STAT4: variants seen among roughly 807,000 people sequenced by gnomAD.
STAT4 encodes the protein signal transducer and activator of transcription 4.
Under a neutral mutation model 110.5 loss-of-function variants are expected in STAT4, and 42 were observed. That is an observed-to-expected ratio of 0.38 (90% CI 0.30 to 0.49). The LOEUF (loss-of-function observed/expected upper bound fraction) is 0.49, where lower values mean the gene tolerates loss of function less well. STAT4 is among the 20% of genes least tolerant of loss of function. The pLI, the probability that STAT4 is intolerant of heterozygous loss-of-function variation, is 0.95. For missense variants in STAT4, 632 were observed against 887.9 expected, an observed-to-expected ratio of 0.71 and a Z score of 3.66; for synonymous variants, 284 against 302.2, an observed-to-expected ratio of 0.94 and a Z score of 0.63.
chr2:191,076,329 A>G lies in STAT4; in HGVS notation c.274-4T>C. On this transcript the variant is annotated splice_region_variant and splice_polypyrimidine_tract_variant and intron_variant, in intron 3 of 23. Coordinates refer to ENST00000392320, the MANE Select transcript of STAT4 (RefSeq NM_003151.4). ...TTGGATTTCCATGAAATTTTCCCTG[A>G]AAAAAAAAACAATGAGCAAAAATAA... 2.6e-6 allele frequency: 4 copies of G among 1,517,418 alleles called. No homozygotes were observed. The highest frequency in any genetic ancestry group is 1.4e-5 in the African/African-American group (1 of 70,520). The allele number at this position is 1,517,418 out of a possible 1,614,324, so 94.0% of individuals were successfully genotyped here.
At position 191,082,571 on chromosome 2, in the gene STAT4, T is replaced by G. The variant is rs982663095; in HGVS notation, c.274-6246A>C. On this transcript the variant is annotated intron_variant, in intron 3 of 23. Transcript: ENST00000392320. This position sits in a 1 kb window ranked among gnomAD's most constrained non-coding sequence, Gnocchi z 4.7. ...GCATTCTATTTCAGAGATTTAAAGA[T>G]GTTAAAATGTGGAGAACAGTGTCAT... Among the ~76,000 whole-genome samples the G allele has an allele frequency of 3.8e-4, 58 of 152,234 alleles. No homozygotes were observed. Among genetic ancestry groups the G allele is most frequent in the Non-Finnish European group, 4.4e-5 (3 of 68,044 alleles).
In STAT4 at chr2:191,089,998, C is replaced by A. The variant is rs117889908; in HGVS notation, c.274-13673G>T. Among the ~76,000 whole-genome samples, 1,220 of 152,100 alleles carry A rather than the reference C, an allele frequency of 8.0e-3. 16 individuals carry two copies. Among genetic ancestry groups the A allele is most frequent in the Middle Eastern group, 0.041 (12 of 294 alleles). ...CTATGATACTGGATACATGATATTACACATTTGATAAAACACATAGAACAT... is the reference window on the plus strand; with the variant it reads ...CTATGATACTGGATACATGATATTAAACATTTGATAAAACACATAGAACAT... On this transcript the variant is annotated intron_variant, in intron 3 of 23. Coordinates refer to ENST00000392320, the MANE Select transcript of STAT4 (RefSeq NM_003151.4).
In STAT4 at chr2:191,143,957, G is replaced by T. The variant is rs1202102125; in HGVS notation, c.273+2656C>A. The stretch of plus-strand genomic sequence containing the variant: ...TAGGTGTAAAACCATAGCTGACAAT[G>T]ATTTTTACTACTAGCTTCTGTGTTG... On this transcript the variant is annotated intron_variant, in intron 3 of 23. Coordinates refer to ENST00000392320, the MANE Select transcript of STAT4 (RefSeq NM_003151.4). The surrounding 1 kb of genome is among the most constrained non-coding windows in gnomAD (Gnocchi z 5.6). 1.3e-5 allele frequency among the ~76,000 whole-genome samples: 2 copies of T among 152,152 alleles called. No individual in the cohort carries two copies. Among genetic ancestry groups the T allele is most frequent in the African/African-American group, 4.8e-5 (2 of 41,434 alleles).
intron 13 of STAT4, among the ~76,000 whole-genome samples, chr2:191,054,784 CATTTTCG>C (rs903255950): frequency 2.0e-5 from 3 of 152,162 alleles, no homozygotes; most frequent in Non-Finnish European, 1.5e-5. Context: ...TTTCAGTCAA[CATTTTCG>C]AAAAAGGAAA....
At chr2:191,049,849 A>C (rs916417890) in intron 14 of STAT4, among the ~76,000 whole-genome samples, 1 of 152,178 alleles carries the variant, frequency 6.6e-6, no homozygotes, top group Non-Finnish European at 1.5e-5. Context: ...ACAAAGTCTA[A>C]GGTTTTAGTA....
Position 191,061,012 on chromosome 2 carries a change from G to A in STAT4, c.1034+717C>T, listed in dbSNP as rs1278964801. ...GTGATTAGGCCTTTAAAACTTTAGT[G>A]CTTGGAGTTTCAGGCATGATGAGAA... is the stretch of plus-strand genomic sequence containing the variant. On this transcript the variant is annotated intron_variant, in intron 10 of 23. Transcript: ENST00000392320. This position sits in a 1 kb window ranked among gnomAD's most constrained non-coding sequence, Gnocchi z 6.2. Among the ~76,000 whole-genome samples the A allele has an allele frequency of 6.6e-6, 1 of 152,128 alleles. No individual in the cohort carries two copies. The highest frequency in any genetic ancestry group is 1.9e-4 in the East Asian group (1 of 5,200).
At position 191,138,722 on chromosome 2, in the gene STAT4, A is replaced by G. The variant is rs61121197; in HGVS notation, c.273+7891T>C. Among the ~76,000 whole-genome samples the G allele has an allele frequency of 2.9e-3, 446 of 152,330 alleles. 9 individuals carry two copies. Among genetic ancestry groups the G allele is most frequent in the South Asian group, 0.028 (134 of 4,824 alleles). Reference sequence around the variant, plus strand: ...AGTCCCACTGAAACTATTGCAAAAGATAGTGAAAGAGGGAATTCTCTCTAA... The same window carrying G: ...AGTCCCACTGAAACTATTGCAAAAGGTAGTGAAAGAGGGAATTCTCTCTAA... On this transcript the variant is annotated intron_variant, in intron 3 of 23. Transcript: ENST00000392320. The surrounding 1 kb of genome is among the most constrained non-coding windows in gnomAD (Gnocchi z 4.3).
chr2:191,106,950 G>A (rs925320532), intron 3 of STAT4, among the ~76,000 whole-genome samples: 4 of 152,186 alleles, frequency 2.6e-5, no homozygotes, highest in Non-Finnish European at 5.9e-5. Flanking sequence ...AATTGAGCAA[G>A]AATGTTGCTG....
Position 191,031,576 on chromosome 2 carries a change from G to T in STAT4, c.2045-60C>A. On this transcript the variant is annotated intron_variant, in intron 21 of 23. Transcript: ENST00000392320. This position sits in a 1 kb window ranked among gnomAD's most constrained non-coding sequence, Gnocchi z 4.8. ...AATGTCAATATTATCAATAAAACTG[G>T]GGAAAAAAGAGTCTAGAAAAATATT... The T allele has an allele frequency of 7.1e-7, 1 of 1,403,854 alleles. No individual in the cohort carries two copies. The highest frequency in any genetic ancestry group is 1.0e-6 in the Non-Finnish European group (1 of 1,004,836). 87.0% of individuals were successfully genotyped at this position (1,403,854 alleles called of 1,614,324 possible).
rs933385679 is a variant in STAT4 at position 191,046,906 on chromosome 2, G to A, written c.1252-5758C>T. ...CTGGCATTTTCTGTCCTAATGAAGT[G>A]TATCTTGGTGGGCTTCTAAATAGCC... On this transcript the variant is annotated intron_variant, in intron 14 of 23. Transcript: ENST00000392320. This position sits in a 1 kb window ranked among gnomAD's most constrained non-coding sequence, Gnocchi z 4.6. Among the ~76,000 whole-genome samples, 3 of 152,122 alleles carry A rather than the reference G, an allele frequency of 2.0e-5. No individual in the cohort carries two copies. Among genetic ancestry groups the A allele is most frequent in the African/African-American group, 7.2e-5 (3 of 41,412 alleles).
At chr2:191,075,819 T>C (rs534304688) in intron 4 of STAT4, among the ~76,000 whole-genome samples, 2 of 150,842 alleles carry the variant, frequency 1.3e-5, no homozygotes, top group East Asian at 3.9e-4. Context: ...TCTTTAAAAA[T>C]GTCTCCTTTC....
rs1695833349 is a variant in STAT4, at chr2:191,029,773, T to C, written c.*67A>G. The C allele has an allele frequency of 7.1e-7, 1 of 1,400,700 alleles. No homozygotes were observed. Among genetic ancestry groups the C allele is most frequent in the Non-Finnish European group, 9.9e-7 (1 of 1,005,334 alleles). 86.8% of individuals were successfully genotyped at this position (1,400,700 alleles called of 1,614,324 possible). On this transcript the variant is annotated 3_prime_UTR_variant, in exon 24 of 24. Transcript: ENST00000392320. The surrounding 1 kb of genome is among the most constrained non-coding windows in gnomAD (Gnocchi z 4.5). ...AAGCTGAAGAAATAAAATGTGGTTA[T>C]TGGGCAAAGAACAGTCTTTAAACTT...
intron 3 of STAT4, among the ~76,000 whole-genome samples, chr2:191,081,447 C>T (rs2125283156): frequency 6.6e-6 from 1 of 152,292 alleles, no homozygotes; most frequent in Non-Finnish European, 1.5e-5. Flanking sequence ...AACTAATTTA[C>T]ACTCCCACCA....
chr2:191,121,521 C>T (rs762069721), intron 3 of STAT4, among the ~76,000 whole-genome samples: 31 of 152,188 alleles, frequency 2.0e-4, no homozygotes, highest in Admixed American at 7.2e-4. Flanking sequence ...TGGAACCAAC[C>T]CAAATGTCCA....
rs1406078140 is a variant in STAT4 at position 191,033,888 on chromosome 2, G to A, written c.1715+23C>T. 2 of 1,544,684 alleles carry A rather than the reference G, an allele frequency of 1.3e-6. No homozygotes were observed. Among genetic ancestry groups the A allele is most frequent in the Non-Finnish European group, 1.8e-6 (2 of 1,138,214 alleles). ...AAAAAAGAACATAATTAACTCATATGAAAAATATAGCCTATAACTTACCCA... is the reference window on the plus strand; with the variant it reads ...AAAAAAGAACATAATTAACTCATATAAAAAATATAGCCTATAACTTACCCA... On this transcript the variant is annotated intron_variant, in intron 19 of 23. Transcript: ENST00000392320. The surrounding 1 kb of genome is among the most constrained non-coding windows in gnomAD (Gnocchi z 6.9).
At chr2:191,122,619 A>G (rs1299963913) in intron 3 of STAT4, among the ~76,000 whole-genome samples, 1 of 152,262 alleles carries the variant, frequency 6.6e-6, no homozygotes, top group Non-Finnish European at 1.5e-5. Context: ...CCACCCACAG[A>G]AGAATGAATA....
intron 3 of STAT4, among the ~76,000 whole-genome samples, chr2:191,088,117 A>C (rs1238768004): frequency 6.6e-6 from 1 of 152,178 alleles, no homozygotes; most frequent in Non-Finnish European, 1.5e-5. Context: ...TTCACAGGTG[A>C]ATTGTCCACA....
In STAT4 at chr2:191,066,326, A is replaced by T; in HGVS notation, c.630+104T>A. The T allele has an allele frequency of 9.8e-7, 1 of 1,024,236 alleles. No homozygotes were observed. The highest frequency in any genetic ancestry group is 1.5e-6 in the Non-Finnish European group (1 of 681,062). 63.4% of individuals were successfully genotyped at this position (1,024,236 alleles called of 1,614,324 possible). A position where few individuals can be genotyped will look rare whatever the true frequency, so the allele number is the denominator to read the frequency against. On this transcript the variant is annotated intron_variant, in intron 7 of 23. Transcript: ENST00000392320. The surrounding 1 kb of genome is among the most constrained non-coding windows in gnomAD (Gnocchi z 4.3). The stretch of plus-strand genomic sequence containing the variant: ...AAACCTTGCCGTTTCTTCATTCAGT[A>T]AATGGAACTGATAAAATCTGACAGC...
intron 3 of STAT4, among the ~76,000 whole-genome samples, chr2:191,093,636 A>C (rs1184099599): frequency 2.6e-5 from 4 of 152,332 alleles, no homozygotes; most frequent in African/African-American, 9.6e-5. Context: ...GGGGAGAAAC[A>C]AGAGCAGAAA....
Sources: gnomAD v4.1 joint callset for allele counts (sites outside exome capture counted in the v4.1 genomes callset) on GRCh38, gnomAD v4.1.1 for gene constraint, Gnocchi (gnomAD v3.1) non-coding constraint, MANE v1.5 for transcripts, NCBI Gene and HGNC (gene_info 2026-07-23, HGNC 2026-07-21) for gene names.